The following SPATA13 variants were observed in gnomAD, a reference collection of about 807,000 sequenced individuals.
SPATA13 encodes the protein spermatogenesis-associated protein 13.
In SPATA13, 50 loss-of-function variants were observed where a neutral mutation model predicts 104.0. That is an observed-to-expected ratio of 0.48 (90% CI 0.38 to 0.61). The LOEUF is 0.61. Ranked by LOEUF, SPATA13 falls within the 20% of genes least tolerant of loss-of-function variation. The pLI is 0.00. For synonymous variants in SPATA13, 606 were observed against 667.5 expected, an observed-to-expected ratio of 0.91 and a Z score of 1.42; for missense variants, 1,524 against 1,690.6, an observed-to-expected ratio of 0.90 and a Z score of 1.73.
chr13:24,234,206 C>T (rs1034491602), intron 2 of SPATA13, among the ~76,000 whole-genome samples: 1 of 152,084 alleles, frequency 6.6e-6, no homozygotes, highest in African/African-American at 2.4e-5. Flanking sequence ...TGTTAAGCTT[C>T]CTGAAGTTTA....
At chr13:24,138,131 C>A (rs1427271177) in intron 3 of SPATA13, among the ~76,000 whole-genome samples, 1 of 148,530 alleles carries the variant, frequency 6.7e-6, no homozygotes. Flanking sequence ...GAAACCCCAT[C>A]TCTTCTAAAA....
chr13:24,089,265 G>T (rs183481926), intron 3 of SPATA13, among the ~76,000 whole-genome samples: 160 of 152,194 alleles, frequency 1.1e-3, no homozygotes, highest in Non-Finnish European at 1.7e-3. Context: ...CTGTTCGTAT[G>T]GTCATAACCC....
chr13:24,269,741 ATTTTTT>A (rs71070673), intron 4 of SPATA13, among the ~76,000 whole-genome samples: 3 of 75,930 alleles, frequency 4.0e-5, no homozygotes, highest in African/African-American at 5.8e-5. Flanking sequence ...GCTAATATAA[ATTTTTT>A]TTTTTTTTTT....
At chr13:24,157,692 A>T (rs1403605946), upstream of SPATA13, among the ~76,000 whole-genome samples, 1 of 152,180 alleles carries the variant, frequency 6.6e-6, no homozygotes, top group Non-Finnish European at 1.5e-5. Context: ...AATGAGGAGA[A>T]AGGAGTTTCC....
chr13:24,138,768 T>TG (rs1881659851), intron 3 of SPATA13, among the ~76,000 whole-genome samples: 1 of 149,778 alleles, frequency 6.7e-6, no homozygotes, highest in African/African-American at 2.5e-5. Context: ...TTTTTTTTTT[T>TG]TTTTTTAGAG....
chr13:24,248,081 G>A (rs915631182), intron 2 of SPATA13, among the ~76,000 whole-genome samples: 3 of 152,200 alleles, frequency 2.0e-5, no homozygotes, highest in Admixed American at 1.3e-4. Context: ...AGGTTCAGGG[G>A]TGGAAGACGG....
chr13:24,144,005 G>T lies in SPATA13; in HGVS notation c.-111-78814G>T, dbSNP rs74042710. On this transcript the variant is annotated intron_variant, in intron 3 of 14. Coordinates refer to the SPATA13 transcript ENST00000424834. ...GAGAAAGGCCGCCCAGGGTTGGCCA[G>T]AAACACTCAAAGCACGTAGAGTGGG... Among the ~76,000 whole-genome samples the T allele has an allele frequency of 5.0e-3, 761 of 152,306 alleles. 5 individuals are homozygous for T. Among genetic ancestry groups the T allele is most frequent in the African/African-American group, 0.017 (716 of 41,550 alleles).
At chr13:24,077,811 C>G (rs1034638563) in intron 3 of SPATA13, among the ~76,000 whole-genome samples, 1 of 152,072 alleles carries the variant, frequency 6.6e-6, no homozygotes, top group African/African-American at 2.4e-5. Flanking sequence ...TCTTGCTGTC[C>G]AACCCCATGG....
chr13:24,253,364 G>A (rs1381446635), intron 4 of SPATA13, among the ~76,000 whole-genome samples: 1 of 152,094 alleles, frequency 6.6e-6, no homozygotes, highest in Non-Finnish European at 1.5e-5. Flanking sequence ...TCCCTAGAAG[G>A]AGACACCCAG....
intron 12 of SPATA13, among the ~76,000 whole-genome samples, chr13:24,301,351 C>T (rs1405582413): frequency 6.6e-6 from 1 of 152,232 alleles, no homozygotes; most frequent in Non-Finnish European, 1.5e-5. Context: ...CCCCAAACCA[C>T]ACTTAACACT....
rs570311173 is a variant in SPATA13, at chr13:24,018,960, CAGA to C, written c.-112+1264_-112+1266del. On this transcript the variant is annotated intron_variant, in intron 3 of 14. Transcript: ENST00000424834. Reference sequence around the variant, plus strand: ...TAGGACATTTCAAATATTTAAGATGCAGAAGAATACTGAGGCATATCTGATTGA... The same window carrying C: ...TAGGACATTTCAAATATTTAAGATGCAGAATACTGAGGCATATCTGATTGA... Among the ~76,000 whole-genome samples the C allele has an allele frequency of 2.9e-4, 44 of 152,156 alleles. No homozygotes were observed. In the South Asian group the frequency reaches 8.9e-3, roughly 31 times the overall value.
At chr13:24,008,043 T>C (rs968512211) in intron 2 of SPATA13, among the ~76,000 whole-genome samples, 2 of 152,188 alleles carry the variant, frequency 1.3e-5, no homozygotes, top group African/African-American at 4.8e-5. Context: ...ATGATTCCTG[T>C]CTGCAGCAGC....
intron 1 of SPATA13, among the ~76,000 whole-genome samples, chr13:24,172,519 A>G (rs1353369571): frequency 6.6e-6 from 1 of 152,152 alleles, no homozygotes; most frequent in African/African-American, 2.4e-5. Context: ...GATCCATTCA[A>G]GTTAATTTTT....
At chr13:24,017,729 C>T (rs1045799507) in intron 3 of SPATA13, 2 of 983,360 alleles carry the variant, frequency 2.0e-6, no homozygotes, top group Admixed American at 6.2e-5. Context: ...TCCGTTCTTC[C>T]CTCTCCTTCC....
At chr13:24,221,942 A>G (rs1445576144) in intron 1 of SPATA13, among the ~76,000 whole-genome samples, 1 of 151,644 alleles carries the variant, frequency 6.6e-6, no homozygotes, top group Admixed American at 6.6e-5. Flanking sequence ...CCTCCCGAGT[A>G]GCTAGGATTA....
chr13:24,036,717 A>G (rs372897394), intron 3 of SPATA13, among the ~76,000 whole-genome samples: 3 of 152,062 alleles, frequency 2.0e-5, no homozygotes, highest in Non-Finnish European at 1.5e-5. Context: ...GGCTGCTCTC[A>G]CCTTACTAAA....
At chr13:23,985,664 G>A (rs959547306) in intron 2 of SPATA13, among the ~76,000 whole-genome samples, 1 of 152,226 alleles carries the variant, frequency 6.6e-6, no homozygotes, top group African/African-American at 2.4e-5. Flanking sequence ...CTGAAGAAGA[G>A]GAAGAGAAGG....
intron 3 of SPATA13, among the ~76,000 whole-genome samples, chr13:24,137,404 A>G (rs1209321526): frequency 6.6e-6 from 1 of 152,216 alleles, no homozygotes; most frequent in Non-Finnish European, 1.5e-5. Context: ...TCAAAACACC[A>G]TAATATACAG....
At chr13:24,147,305 T>C (rs1881964922) in intron 3 of SPATA13, among the ~76,000 whole-genome samples, 2 of 152,244 alleles carry the variant, frequency 1.3e-5, no homozygotes, top group South Asian at 4.1e-4. Context: ...GCCATGACAG[T>C]GAGTGTAGTC....
Sources: gnomAD v4.1 joint callset for allele counts (sites outside exome capture counted in the v4.1 genomes callset) on GRCh38, gnomAD v4.1.1 for gene constraint, MANE v1.5 for transcripts, NCBI Gene and HGNC (gene_info 2026-07-23, HGNC 2026-07-21) for gene names.